DARS1: variants seen among roughly 807,000 people sequenced by gnomAD.
The protein encoded by DARS1 is aspartate--tRNA ligase, cytoplasmic.
A neutral mutation model predicts 68.8 loss-of-function variants in DARS1; 51 were observed. The observed-to-expected ratio is 0.74, with a 90% CI of 0.59 to 0.94. The LOEUF is 0.94. Ranked by LOEUF, DARS1 falls within the 40% of genes least tolerant of loss-of-function variation. The pLI, the probability that DARS1 is intolerant of heterozygous loss-of-function variation, is 0.00. For synonymous variants in DARS1, 203 were observed against 190.4 expected (o/e 1.07, Z -0.55); for missense variants, 607 against 597.3 (o/e 1.02, Z -0.17).
At chr2:135,933,788 T>C in intron 6 of DARS1, 122 bp downstream of exon 6, 2 of 1,313,178 alleles carry the variant, frequency 1.5e-6, no homozygotes. Flanking sequence ...ATTTTAAGAG[T>C]AAGTTTAAAT....
chr2:135,937,508 T>C (rs1363086475), intron 5 of DARS1, among the ~76,000 whole-genome samples: 2 of 152,202 alleles, frequency 1.3e-5, no homozygotes, highest in East Asian at 3.8e-4. Context: ...AAAGTAATTA[T>C]TATAAGACTA....
At position 135,932,843 on chromosome 2, in the gene DARS1, C is replaced by CAA; in HGVS notation, c.505-2_505-1insTT. 1 of 1,131,996 alleles carries CAA rather than the reference C, an allele frequency of 8.8e-7. No homozygotes were observed. The highest frequency in any genetic ancestry group is 1.2e-6 in the Non-Finnish European group (1 of 811,638). 70.1% of individuals were successfully genotyped at this position (1,131,996 alleles called of 1,614,324 possible). On this transcript the variant is annotated splice_acceptor_variant, in intron 6 of 15. Transcript: ENST00000264161. LOFTEE classifies it high-confidence loss of function. ...CCTGGTTAACAGTAGCTCTTCCTTC[C>CAA]TAAAAAAAAAAAAAAAGAAAAGAAA...
rs545347357 is a variant in DARS1 at position 135,957,511 on chromosome 2, C to T, written c.320+3885G>A. 2.6e-5 allele frequency among the ~76,000 whole-genome samples: 4 copies of T among 152,256 alleles called. No individual in the cohort carries two copies. The South Asian group carries it at 8.3e-4, about 32-fold the overall frequency. ...GGGATTACAGGTATGAGCCACCACG[C>T]TCGGCCGACTAATTTAAAAAAAATT... is the stretch of plus-strand genomic sequence containing the variant. On this transcript the variant is annotated intron_variant, in intron 4 of 15. Transcript: ENST00000264161.
intron 7 of DARS1, among the ~76,000 whole-genome samples, chr2:135,928,373 A>T (rs1355231225): frequency 6.6e-6 from 1 of 152,156 alleles, no homozygotes; most frequent in Admixed American, 6.5e-5. Flanking sequence ...CTATTATTTT[A>T]AAAAATCAGA....
chr2:135,976,527 A>G (rs1328113572), intron 3 of DARS1, among the ~76,000 whole-genome samples: 1 of 152,176 alleles, frequency 6.6e-6, no homozygotes, highest in Non-Finnish European at 1.5e-5. Context: ...TATCATCAAT[A>G]AAGTCCTTAC....
chr2:135,940,496 G>T (rs1468615592), intron 5 of DARS1, among the ~76,000 whole-genome samples: 1 of 152,122 alleles, frequency 6.6e-6, no homozygotes, highest in Non-Finnish European at 1.5e-5. Flanking sequence ...ACTAGGTATA[G>T]ATGAGACGTA....
At chr2:135,958,722 T>C (rs900380400) in intron 4 of DARS1, among the ~76,000 whole-genome samples, 9 of 152,198 alleles carry the variant, frequency 5.9e-5, no homozygotes, top group African/African-American at 1.4e-4. Flanking sequence ...TTTCGCAAGA[T>C]AGCAAAAGCC....
At chr2:135,985,306 A>G (rs1682751223) in intron 1 of DARS1, 97 bp downstream of exon 1, 1 of 1,486,614 alleles carries the variant, frequency 6.7e-7, no homozygotes, top group South Asian at 1.3e-5. Flanking sequence ...GAACGTGCCG[A>G]CAAGGACCTG....
At chr2:135,924,324 T>A in intron 8 of DARS1, 63 bp downstream of exon 8, 3 of 1,455,278 alleles carry the variant, frequency 2.1e-6, no homozygotes, top group Admixed American at 3.1e-5. Flanking sequence ...TTTATTAATA[T>A]AAAGCAACTC....
chr2:135,982,770 C>A (rs1682666511), intron 2 of DARS1, among the ~76,000 whole-genome samples: 1 of 151,938 alleles, frequency 6.6e-6, no homozygotes, highest in African/African-American at 2.4e-5. Context: ...CATAGTACTG[C>A]CAAAGAAGCC....
intron 7 of DARS1, 112 bp from the exon 8 acceptor site, chr2:135,924,610 A>G: frequency 7.0e-7 from 1 of 1,424,970 alleles, no homozygotes. Context: ...ACATTTTTAA[A>G]TTCTAATAAT....
At chr2:135,920,173 GAAACAA>G (rs1681085535) in intron 10 of DARS1, among the ~76,000 whole-genome samples, 1 of 152,042 alleles carries the variant, frequency 6.6e-6, no homozygotes, top group South Asian at 2.1e-4. Context: ...CAGTATAAAG[GAAACAA>G]AAACAACAAC....
At position 135,985,526 on chromosome 2, in the gene DARS1, G is replaced by A. The variant is rs753253820; in HGVS notation, c.-58C>T. ...TCCCTCGCAGGCTTCCGTAAGGCAG[G>A]CCAAAGGGGCTTCTCCCTCCCTCCC... On this transcript the variant is annotated 5_prime_UTR_variant, in exon 1 of 16. Transcript: ENST00000264161. 2.0e-4 allele frequency: 327 copies of A among 1,612,734 alleles called. No homozygotes were observed. The highest frequency in any genetic ancestry group is 2.6e-4 in the Non-Finnish European group (307 of 1,179,592).
intron 2 of DARS1, among the ~76,000 whole-genome samples, chr2:135,982,573 G>A (rs1682661039): frequency 2.6e-5 from 4 of 151,232 alleles, no homozygotes; most frequent in Admixed American, 2.6e-4. Flanking sequence ...TCCAGCCTGG[G>A]CGACAGAGCG....
At chr2:135,936,132 T>C (rs77752694) in intron 5 of DARS1, among the ~76,000 whole-genome samples, 4 of 152,194 alleles carry the variant, frequency 2.6e-5, no homozygotes, top group Non-Finnish European at 5.9e-5. Flanking sequence ...ACAAAGCACC[T>C]ATCAACAGTA....
At chr2:135,930,608 C>A (rs767143059) in intron 7 of DARS1, among the ~76,000 whole-genome samples, 6 of 152,042 alleles carry the variant, frequency 3.9e-5, no homozygotes, top group Admixed American at 2.0e-4. Context: ...ACCTGTAATA[C>A]GAACATAATA....
At chr2:135,968,658 C>CTTTTTT (rs765797736) in intron 3 of DARS1, among the ~76,000 whole-genome samples, 3 of 129,068 alleles carry the variant, frequency 2.3e-5, no homozygotes, top group Admixed American at 7.9e-5. Flanking sequence ...GGGGATTCAG[C>CTTTTTT]TTTTTTTTTT....
intron 3 of DARS1, among the ~76,000 whole-genome samples, chr2:135,966,306 C>T (rs1275763796): frequency 6.6e-6 from 1 of 151,838 alleles, no homozygotes; most frequent in Admixed American, 6.6e-5. Flanking sequence ...TTTATTTTTA[C>T]CATACCCATA....
intron 10 of DARS1, among the ~76,000 whole-genome samples, chr2:135,917,146 C>A (rs910480674): frequency 2.0e-5 from 3 of 151,330 alleles, no homozygotes; most frequent in African/African-American, 7.3e-5. Flanking sequence ...GGCGACAGAG[C>A]AAGACTCGTC....
Sources: gnomAD v4.1 joint callset for allele counts (sites outside exome capture counted in the v4.1 genomes callset) on GRCh38, gnomAD v4.1.1 for gene constraint, MANE v1.5 for transcripts, NCBI Gene and HGNC (gene_info 2026-07-23, HGNC 2026-07-21) for gene names.